GALNT7: variants seen among roughly 807,000 people sequenced by gnomAD.
GALNT7 encodes the protein polypeptide N-acetylgalactosaminyltransferase 7.
A neutral mutation model predicts 82.1 loss-of-function variants in GALNT7; 60 were observed. The ratio of observed to expected loss-of-function variants is 0.73; its 90% CI spans 0.59 to 0.91. GALNT7 has a LOEUF of 0.91. GALNT7 is among the 40% of genes least tolerant of loss of function. The probability of loss-of-function intolerance (pLI) is 0.00; values close to 1 mark genes in which losing one functional copy is unlikely to be tolerated. For synonymous variants in GALNT7, 243 were observed against 275.1 expected, an observed-to-expected ratio of 0.88 and a Z score of 1.15; for missense variants, 660 against 804.2, an observed-to-expected ratio of 0.82 and a Z score of 2.17.
rs1160246153 is a variant in GALNT7 at position 173,178,058 on chromosome 4, C to T, written c.126+9097C>T. ...GTGTGTGTGTGTGTGTGTGTGCGCG[C>T]ACGCGCGTGCGCACAGACACCTATG... On this transcript the variant is annotated intron_variant, in intron 1 of 11. Coordinates refer to ENST00000265000, the MANE Select transcript of GALNT7 (RefSeq NM_017423.3). Among the ~76,000 whole-genome samples, 943 of 128,658 alleles carry T rather than the reference C, an allele frequency of 7.3e-3. 13 individuals are homozygous for T. The highest frequency in any genetic ancestry group is 0.032 in the African/African-American group (849 of 26,204). 84.4% of individuals were successfully genotyped at this position (128,658 alleles called of 152,430 possible).
intron 2 of GALNT7, among the ~76,000 whole-genome samples, chr4:173,250,889 C>T (rs953746654): frequency 2.6e-5 from 4 of 152,182 alleles, no homozygotes; most frequent in East Asian, 1.9e-4. Context: ...CTTCCCATGA[C>T]GGGCTGGCTC....
At chr4:173,169,827 T>A (rs1323595043) in intron 1 of GALNT7, among the ~76,000 whole-genome samples, 1 of 151,872 alleles carries the variant, frequency 6.6e-6, no homozygotes, top group Non-Finnish European at 1.5e-5. Flanking sequence ...GCAGGGCTGC[T>A]TGGGCCGGAA....
Position 173,248,454 on chromosome 4 carries a change from C to T in GALNT7, c.587+14C>T, listed in dbSNP as rs1357397345. The T allele has an allele frequency of 3.3e-6, 5 of 1,494,238 alleles. No individual in the cohort carries two copies. The African/African-American group carries it at 4.2e-5, about 13-fold the overall frequency. The allele number at this position is 1,494,238 out of a possible 1,614,324, so 92.6% of individuals were successfully genotyped here. On this transcript the variant is annotated intron_variant, in intron 2 of 11. Transcript: ENST00000265000. The stretch of plus-strand genomic sequence containing the variant: ...ACGCCAAGAAGAGTAAGCACACATC[C>T]TCTTCTTTCTAAAAATGGGGCAACT...
chr4:173,216,719 A>ATTTTTTTTT (rs1269758613), intron 1 of GALNT7, among the ~76,000 whole-genome samples: 1 of 13,488 alleles, frequency 7.4e-5, no homozygotes, highest in African/African-American at 1.5e-4. Flanking sequence ...ATATATATAT[A>ATTTTTTTTT]TATATATATT....
chr4:173,190,490 C>T (rs1489308533), intron 1 of GALNT7, among the ~76,000 whole-genome samples: 1 of 152,136 alleles, frequency 6.6e-6, no homozygotes, highest in Non-Finnish European at 1.5e-5. Context: ...TTGTAGCTAA[C>T]TTTCATTAGT....
At chr4:173,278,334 G>C (rs886357621) in intron 2 of GALNT7, among the ~76,000 whole-genome samples, 1 of 152,202 alleles carries the variant, frequency 6.6e-6, no homozygotes, top group East Asian at 1.9e-4. Flanking sequence ...TTGAATGATA[G>C]TGCAATTAGG....
At chr4:173,281,133 G>A (rs1292391092) in intron 2 of GALNT7, among the ~76,000 whole-genome samples, 2 of 152,064 alleles carry the variant, frequency 1.3e-5, no homozygotes, top group African/African-American at 2.4e-5. Context: ...CAGGAGGATT[G>A]TGCACCCTTG....
chr4:173,284,594 A>C (rs891474213), intron 2 of GALNT7, among the ~76,000 whole-genome samples: 1 of 152,182 alleles, frequency 6.6e-6, no homozygotes, highest in African/African-American at 2.4e-5. Flanking sequence ...CAGGAAAGAC[A>C]ACCTTGAGAC....
At chr4:173,183,041 TA>T (rs1291028105) in intron 1 of GALNT7, among the ~76,000 whole-genome samples, 1 of 40,736 alleles carries the variant, frequency 2.5e-5, no homozygotes, top group African/African-American at 1.2e-4. Context: ...TCCACACACA[TA>T]AACACACACA....
intron 1 of GALNT7, among the ~76,000 whole-genome samples, chr4:173,186,172 T>G (rs1732455073): frequency 6.6e-6 from 1 of 152,232 alleles, no homozygotes; most frequent in South Asian, 2.1e-4. Flanking sequence ...TTGATAACCA[T>G]GAACATTAAT....
At chr4:173,288,301 A>AAAAAAAAAAAAAAAAAAG (rs1289159201) in intron 2 of GALNT7, among the ~76,000 whole-genome samples, 1 of 148,362 alleles carries the variant, frequency 6.7e-6, no homozygotes, top group African/African-American at 2.6e-5. Context: ...AAAAAAAAAA[A>AAAAAAAAAAAAAAAAAAG]AAAAGAAAAG....
intron 1 of GALNT7, among the ~76,000 whole-genome samples, chr4:173,185,413 C>CAAA (rs33996293): frequency 1.5e-4 from 22 of 142,132 alleles, no homozygotes; most frequent in Admixed American, 2.8e-4. Flanking sequence ...CAATGAATCT[C>CAAA]AAAAAAAAAA....
At chr4:173,243,310 A>G (rs1734496873) in intron 1 of GALNT7, among the ~76,000 whole-genome samples, 1 of 152,200 alleles carries the variant, frequency 6.6e-6, no homozygotes, top group Admixed American at 6.5e-5. Flanking sequence ...GCCTGACCTT[A>G]CTTCTGGTAA....
At chr4:173,229,700 G>A (rs1460095971) in intron 1 of GALNT7, among the ~76,000 whole-genome samples, 2 of 152,174 alleles carry the variant, frequency 1.3e-5, no homozygotes, top group African/African-American at 4.8e-5. Flanking sequence ...AATTAAAAGA[G>A]ATACGTATGA....
At chr4:173,184,327 G>A (rs1732394232) in intron 1 of GALNT7, among the ~76,000 whole-genome samples, 1 of 152,034 alleles carries the variant, frequency 6.6e-6, no homozygotes, top group African/African-American at 2.4e-5. Flanking sequence ...CTGAGTGAGC[G>A]AGACTCCGTC....
At chr4:173,196,127 A>ATT (rs35060535) in intron 1 of GALNT7, among the ~76,000 whole-genome samples, 73 of 146,040 alleles carry the variant, frequency 5.0e-4, no homozygotes, top group Admixed American at 1.2e-3. Flanking sequence ...TTAAGTTGGA[A>ATT]TTTTTTTTTT....
intron 2 of GALNT7, among the ~76,000 whole-genome samples, chr4:173,289,083 GA>G (rs1180770890): frequency 6.6e-6 from 1 of 152,118 alleles, no homozygotes; most frequent in East Asian, 1.9e-4. Context: ...GGCTGTCGGG[GA>G]CTGGAGATAA....
At chr4:173,252,195 C>T (rs760502132) in intron 2 of GALNT7, among the ~76,000 whole-genome samples, 5 of 152,166 alleles carry the variant, frequency 3.3e-5, no homozygotes, top group African/African-American at 9.7e-5. Context: ...GAAAACATAT[C>T]GCACATCCAT....
intron 1 of GALNT7, among the ~76,000 whole-genome samples, chr4:173,175,417 C>T (rs1561141135): frequency 6.6e-6 from 1 of 152,158 alleles, no homozygotes; most frequent in African/African-American, 2.4e-5. Flanking sequence ...AGTTTATTCA[C>T]TTAATTAATT....
Sources: allele counts gnomAD v4.1 joint callset (sites outside exome capture counted in the v4.1 genomes callset), GRCh38; gene constraint gnomAD v4.1.1; transcripts MANE v1.5; gene names NCBI Gene and HGNC (gene_info 2026-07-23, HGNC 2026-07-21).